DARS2: variants seen among roughly 807,000 people sequenced by gnomAD.
DARS2 encodes the protein aspartate--tRNA ligase, mitochondrial.
DARS2 carries 63 observed loss-of-function variants against 83.0 expected under a neutral mutation model. The ratio of observed to expected loss-of-function variants is 0.76; its 90% CI spans 0.62 to 0.94. DARS2 has a LOEUF of 0.94. Ranked by LOEUF, DARS2 falls within the 40% of genes least tolerant of loss-of-function variation. DARS2 has a pLI of 0.00. For missense variants in DARS2, 675 were observed against 774.4 expected (o/e 0.87, Z 1.52); for synonymous variants, 250 against 269.3 (o/e 0.93, Z 0.70).
rs944681106 is a variant in DARS2, at chr1:173,830,823, C to T, written c.396+62C>T. ...TGTATGCATTTGCACCATCTGTGTA[C>T]ACATTCTGGCAACACATGACTGGAC... On this transcript the variant is annotated intron_variant, in intron 4 of 16. Coordinates refer to ENST00000649689, the MANE Select transcript of DARS2 (RefSeq NM_018122.5). 8.1e-6 allele frequency: 10 copies of T among 1,229,186 alleles called. No individual in the cohort carries two copies. The African/African-American group carries it at 1.2e-4, about 15-fold the overall frequency. The allele number at this position is 1,229,186 out of a possible 1,614,324, so 76.1% of individuals were successfully genotyped here.
rs1230304781 is a variant in DARS2, at chr1:173,853,897, T to G, written c.1666T>G (p.Leu556Val). 1 of 1,612,774 alleles carries G rather than the reference T, an allele frequency of 6.2e-7. No individual in the cohort carries two copies. The highest frequency in any genetic ancestry group is 1.3e-5 in the African/African-American group (1 of 75,022). ...GCTGCAGCGTTATATCCTGGCAACC[T>G]TACTAAAGGTAACAAACATCATCTG... ...AELQRYILAT[L>V]LKEDVKMLSH... is the part of the protein sequence containing the mutation. Residue 556 changes from leucine (L) to valine (V), a missense_variant, in exon 15 of 17, where the codon TTA becomes GTA. Coordinates refer to ENST00000649689, the MANE Select transcript of DARS2 (RefSeq NM_018122.5).
At chr1:173,830,381 A>G (rs961975817) in intron 3 of DARS2, among the ~76,000 whole-genome samples, 1 of 152,144 alleles carries the variant, frequency 6.6e-6, no homozygotes, top group Non-Finnish European at 1.5e-5. Context: ...AGTATGTGGG[A>G]CTTGTTTGCA....
At chr1:173,856,124 G>GT (rs1653852677) in intron 15 of DARS2, among the ~76,000 whole-genome samples, 1 of 152,132 alleles carries the variant, frequency 6.6e-6, no homozygotes, top group African/African-American at 2.4e-5. Context: ...GCCTCTGTTT[G>GT]TTTGAAGCTT....
chr1:173,842,454 A>G (rs1653267162), intron 11 of DARS2, among the ~76,000 whole-genome samples: 1 of 149,344 alleles, frequency 6.7e-6, no homozygotes, highest in Non-Finnish European at 1.5e-5. Context: ...GTATGCCACC[A>G]TGCCCAGCTA....
chr1:173,834,425 A>G, intron 6 of DARS2, 48 bp from the exon 7 acceptor site: 1 of 1,438,104 alleles, frequency 7.0e-7, no homozygotes, highest in South Asian at 1.1e-5. Context: ...CATATATGAC[A>G]AATTTCACAT....
In DARS2 at chr1:173,839,427, C is replaced by T. The variant is rs1445202414; in HGVS notation, c.901C>T (p.Leu301Phe). The change falls in exon 10 of 17, where the codon CTC becomes TTC. Residue 301 changes from leucine to phenylalanine, a missense_variant. Leu to Phe is a conservative substitution (Grantham distance 22). Coordinates refer to ENST00000649689, the MANE Select transcript of DARS2 (RefSeq NM_018122.5). ...TGIQSLIEGL[L>F]QYSWPNDKDP... ...GATCCAGAGTTTAATTGAGGGTTTG[C>T]TCCAGTATTCCTGGCCCAATGACAA... 4.3e-6 allele frequency: 7 copies of T among 1,614,174 alleles called. No individual in the cohort carries two copies. The highest frequency in any genetic ancestry group is 1.6e-4 in the Middle Eastern group (1 of 6,062).
chr1:173,831,060 G>A (rs188381430), intron 4 of DARS2, among the ~76,000 whole-genome samples: 6 of 152,196 alleles, frequency 3.9e-5, no homozygotes, highest in Admixed American at 6.5e-5. Flanking sequence ...GGGACTACAG[G>A]TGCATGCCAC....
At position 173,828,395 on chromosome 1, in the gene DARS2, A is replaced by G. The variant is rs376385086; in HGVS notation, c.290A>G (p.Asp97Gly). The G allele has an allele frequency of 1.9e-6, 3 of 1,590,128 alleles. No homozygotes were observed. In the African/African-American group the frequency reaches 4.1e-5, roughly 22 times the overall value. ...DGLVQVIIPQ[D>G]ESAASVKKIL... The stretch of plus-strand genomic sequence containing the variant: ...CTTGTTCAAGTTATCATTCCCCAGG[A>G]TGAGGTAATAGAAAATTTCCTGTTA... Residue 97 changes from aspartate to glycine, a missense_variant, in exon 3 of 17, where the codon GAT becomes GGT. Asp to Gly is a moderately conservative substitution (Grantham distance 94). Coordinates refer to ENST00000649689, the MANE Select transcript of DARS2 (RefSeq NM_018122.5).
At chr1:173,849,758 C>G (rs557746185) in intron 12 of DARS2, among the ~76,000 whole-genome samples, 1 of 152,178 alleles carries the variant, frequency 6.6e-6, no homozygotes, top group South Asian at 2.1e-4. Flanking sequence ...CATTCCTACT[C>G]AGTTCACTTG....
intron 5 of DARS2, among the ~76,000 whole-genome samples, chr1:173,831,835 C>A (rs1652807867): frequency 6.6e-6 from 1 of 152,174 alleles, no homozygotes; most frequent in Non-Finnish European, 1.5e-5. Flanking sequence ...GTTGCAGTCC[C>A]TAAATACCTA....
chr1:173,845,120 T>C lies in DARS2; in HGVS notation c.1129-109T>C, dbSNP rs77124001. 0.094 allele frequency: 71,464 copies of C among 757,092 alleles called. 4,540 individuals are homozygous for C. The highest frequency in any genetic ancestry group is 0.29 in the East Asian group (10,949 of 37,714). 46.9% of individuals were successfully genotyped at this position (757,092 alleles called of 1,614,324 possible). On this transcript the variant is annotated intron_variant, in intron 11 of 16. Coordinates refer to ENST00000649689, the MANE Select transcript of DARS2 (RefSeq NM_018122.5). ...CAGACATTGAATTTTTATTAAATCT[T>C]ACTATTGTAATAGAAAGACACAAAA...
intron 14 of DARS2, 35 bp downstream of exon 14, chr1:173,853,602 G>C: frequency 6.2e-7 from 1 of 1,611,152 alleles, no homozygotes; most frequent in Non-Finnish European, 8.5e-7. Flanking sequence ...AAAAGGAAAT[G>C]TGTATATAAA....
Position 173,828,313 on chromosome 1 carries a change from T to TGGGCG in DARS2, c.228-20_228-19insGGGCG. Reference sequence around the variant, plus strand: ...AGATTTTATCTTAAAATGTTTCTTTTCCCCCCCCCCATTAATCAGGCAAAA... The same window carrying TGGGCG: ...AGATTTTATCTTAAAATGTTTCTTTTGGGCGCCCCCCCCCCATTAATCAGGCAAAA... On this transcript the variant is annotated intron_variant, in intron 2 of 16. Coordinates refer to ENST00000649689, the MANE Select transcript of DARS2 (RefSeq NM_018122.5). The TGGGCG allele has an allele frequency of 1.6e-6, 2 of 1,231,088 alleles. No individual in the cohort carries two copies. Among genetic ancestry groups the TGGGCG allele is most frequent in the Non-Finnish European group, 2.3e-6 (2 of 867,440 alleles). 76.3% of individuals were successfully genotyped at this position (1,231,088 alleles called of 1,614,324 possible).
chr1:173,838,370 C>A, intron 9 of DARS2, 111 bp downstream of exon 9: 1 of 790,614 alleles, frequency 1.3e-6, no homozygotes, highest in Non-Finnish European at 2.1e-6. Context: ...TTTTATCCAT[C>A]AGATATTTAA....
chr1:173,857,789 C>G lies in DARS2; in HGVS notation c.*84C>G. 7.0e-7 allele frequency: 1 copy of G among 1,422,456 alleles called. No homozygotes were observed. Among genetic ancestry groups the G allele is most frequent in the Non-Finnish European group, 9.8e-7 (1 of 1,015,678 alleles). 88.1% of individuals were successfully genotyped at this position (1,422,456 alleles called of 1,614,324 possible). ...GGCTAAAGTCAGATCTAGAGTTCTG[C>G]CACAGGTCTAACAATCAAGTCTTTA... On this transcript the variant is annotated 3_prime_UTR_variant, in exon 17 of 17. Transcript: ENST00000649689.
intron 12 of DARS2, among the ~76,000 whole-genome samples, chr1:173,848,905 G>A (rs1202955483): frequency 1.3e-5 from 2 of 152,028 alleles, no homozygotes; most frequent in Non-Finnish European, 2.9e-5. Flanking sequence ...CTAGTTGTAT[G>A]TCAAACCAAT....
intron 11 of DARS2, 137 bp downstream of exon 11, chr1:173,841,110 C>CA: frequency 1.4e-6 from 1 of 690,454 alleles, no homozygotes; most frequent in South Asian, 1.6e-5. Context: ...CATGGTGGCT[C>CA]ACACCTGTAA....
At chr1:173,850,289 A>AG (rs1342213963) in intron 12 of DARS2, 38 bp from the exon 13 acceptor site, 16 of 1,570,674 alleles carry the variant, frequency 1.0e-5, no homozygotes, top group Admixed American at 2.0e-5. Context: ...TGTTCAAAAA[A>AG]AAAAAAAAAC....
intron 15 of DARS2, among the ~76,000 whole-genome samples, chr1:173,854,738 GATA>G (rs895143641): frequency 2.6e-5 from 4 of 152,160 alleles, no homozygotes; most frequent in African/African-American, 9.7e-5. Context: ...TAAAAATGTT[GATA>G]ATGTTAGAGA....
Sources: allele counts gnomAD v4.1 joint callset (sites outside exome capture counted in the v4.1 genomes callset), GRCh38; gene constraint gnomAD v4.1.1; transcripts MANE v1.5; gene names NCBI Gene and HGNC (gene_info 2026-07-23, HGNC 2026-07-21).